C6orf118: variants seen among roughly 807,000 people sequenced by gnomAD.
The protein encoded by C6orf118 is uncharacterized protein C6orf118.
C6orf118 carries 50 observed loss-of-function variants against 50.2 expected under a neutral mutation model. That is an observed-to-expected ratio of 1.00 (90% CI 0.79 to 1.26). The LOEUF (loss-of-function observed/expected upper bound fraction) is 1.26. Ranked by LOEUF, C6orf118 falls within the 50% of genes most tolerant of loss-of-function variation. The pLI is 0.00. For synonymous variants in C6orf118, 239 were observed against 230.9 expected, an observed-to-expected ratio of 1.03 and a Z score of -0.32; for missense variants, 641 against 578.7, an observed-to-expected ratio of 1.11 and a Z score of -1.10.
At chr6:165,307,374 C>A (rs1780778974) in intron 1 of C6orf118, among the ~76,000 whole-genome samples, 1 of 151,414 alleles carries the variant, frequency 6.6e-6, no homozygotes, top group Non-Finnish European at 1.5e-5. Context: ...GTCTGGCCAA[C>A]CTGGCAAAAC....
At position 165,285,599 on chromosome 6, in the gene C6orf118, T is replaced by A. The variant is rs1031564322; in HGVS notation, c.1303-3906A>T. On this transcript the variant is annotated intron_variant, in intron 7 of 8. Transcript: ENST00000230301. ...AAACAGTCTCCCAGACCACATGCAA[T>A]CAAATTAGAACTCAAGATTAAGAAA... Among the ~76,000 whole-genome samples the A allele has an allele frequency of 3.9e-5, 6 of 151,934 alleles. No individual in the cohort carries two copies. The South Asian group carries it at 1.2e-3, about 32-fold the overall frequency.
At chr6:165,291,373 G>A (rs1395094738) in intron 6 of C6orf118, among the ~76,000 whole-genome samples, 1 of 152,176 alleles carries the variant, frequency 6.6e-6, no homozygotes, top group East Asian at 1.9e-4. Flanking sequence ...AAGCATGGAG[G>A]TAAGAAAGAA....
At chr6:165,298,266 G>T (rs760016654) in intron 4 of C6orf118, among the ~76,000 whole-genome samples, 165 bp from the exon 5 acceptor site, 12 of 152,188 alleles carry the variant, frequency 7.9e-5, no homozygotes, top group Non-Finnish European at 1.8e-4. Context: ...GGCCGTTGGG[G>T]GAGGGATGGC....
In C6orf118 at chr6:165,281,650, T is replaced by C; in HGVS notation, c.1346A>G (p.Lys449Arg). Reference protein sequence around the residue: ...QLETENMILKKKIKGPLEIYQ... With the variant: ...QLETENMILKRKIKGPLEIYQ... ...ACACAAAAAACTTACTTTTATTTTC[T>C]TCTTTAAAATCATATTTTCTGTTTC... is the stretch of plus-strand genomic sequence containing the variant. The change falls in exon 8 of 9, where the codon AAG (lysine) becomes AGG (arginine). Residue 449 changes from lysine (K) to arginine (R), a missense_variant. Coordinates refer to ENST00000230301, the MANE Select transcript of C6orf118 (RefSeq NM_144980.4). 6.7e-7 allele frequency: 1 copy of C among 1,495,332 alleles called. No homozygotes were observed. The highest frequency in any genetic ancestry group is 1.3e-5 in the South Asian group (1 of 76,790). 92.6% of individuals were successfully genotyped at this position (1,495,332 alleles called of 1,614,324 possible).
chr6:165,290,008 T>G lies in C6orf118; in HGVS notation c.1180A>C (p.Lys394Gln), dbSNP rs933564663. The G allele has an allele frequency of 6.2e-7, 1 of 1,610,326 alleles. No homozygotes were observed. The highest frequency in any genetic ancestry group is 8.5e-7 in the Non-Finnish European group (1 of 1,178,382). Reference protein sequence around the residue: ...NRLTLTEKVEKKRCEILSKWD... With the variant: ...NRLTLTEKVEQKRCEILSKWD... Reference sequence around the variant, plus strand: ...TTACTGAGTATTTCACACCTCTTCTTTTCAACCTTCTCAGTAAGAGTAAGT... The same window carrying G: ...TTACTGAGTATTTCACACCTCTTCTGTTCAACCTTCTCAGTAAGAGTAAGT... Residue 394 changes from lysine (K) to glutamine (Q), a missense_variant, in exon 7 of 9, where the codon AAG becomes CAG. Lys to Gln is a moderately conservative substitution (Grantham distance 53). Transcript: ENST00000230301.
At chr6:165,294,282 GTAAA>G (rs918443207) in intron 5 of C6orf118, among the ~76,000 whole-genome samples, 3 of 143,672 alleles carry the variant, frequency 2.1e-5, no homozygotes, top group African/African-American at 5.3e-5. Context: ...AAAAAAAAAA[GTAAA>G]TAAATAAGTA....
At chr6:165,306,787 T>C (rs1336767781) in intron 1 of C6orf118, among the ~76,000 whole-genome samples, 3 of 152,164 alleles carry the variant, frequency 2.0e-5, no homozygotes, top group Non-Finnish European at 2.9e-5. Flanking sequence ...CAAATGCTTT[T>C]TCTTTTGATT....
At chr6:165,301,320 G>C (rs1243727113) in intron 2 of C6orf118, among the ~76,000 whole-genome samples, 1 of 151,468 alleles carries the variant, frequency 6.6e-6, no homozygotes, top group Non-Finnish European at 1.5e-5. Context: ...ACACTGCACC[G>C]AGAGCACTGC....
At chr6:165,301,006 C>A (rs1456755722) in intron 2 of C6orf118, among the ~76,000 whole-genome samples, 2 of 152,148 alleles carry the variant, frequency 1.3e-5, no homozygotes, top group South Asian at 2.1e-4. Flanking sequence ...GTCAGCCAGG[C>A]AAGCCCTCTC....
rs140109402 is a variant in C6orf118 at position 165,280,632 on chromosome 6, C to T, written c.1357-522G>A. Among the ~76,000 whole-genome samples the T allele has an allele frequency of 7.7e-3, 1,165 of 152,232 alleles. 15 individuals carry two copies. The highest frequency in any genetic ancestry group is 0.026 in the African/African-American group (1,099 of 41,534). ...GAGTGACCTTGGCCCATGGTGCTGGCCAATGAGATGTGGGTAGGAGCACCT... is the reference window on the plus strand; with the variant it reads ...GAGTGACCTTGGCCCATGGTGCTGGTCAATGAGATGTGGGTAGGAGCACCT... On this transcript the variant is annotated intron_variant, in intron 8 of 8. Coordinates refer to ENST00000230301, the MANE Select transcript of C6orf118 (RefSeq NM_144980.4).
chr6:165,309,236 C>T (rs1286766038), intron 1 of C6orf118, among the ~76,000 whole-genome samples: 1 of 152,204 alleles, frequency 6.6e-6, no homozygotes, highest in East Asian at 1.9e-4. Context: ...CTGCAACCTG[C>T]CGCTTCGTCC....
chr6:165,301,488 A>C, intron 2 of C6orf118, 81 bp downstream of exon 2: 1 of 1,507,280 alleles, frequency 6.6e-7, no homozygotes, highest in Non-Finnish European at 8.9e-7. Context: ...TTTGCCCCAG[A>C]GCTGTGCCCT....
At position 165,308,622 on chromosome 6, in the gene C6orf118, A is replaced by G. The variant is rs1216992881; in HGVS notation, c.25+940T>C. On this transcript the variant is annotated intron_variant, in intron 1 of 8. Transcript: ENST00000230301. ...TTTGTATACAAAGAAGAGAAAAGAC[A>G]ACTCCCCAAGGACTGAAAGACCCCT... 3.3e-5 allele frequency among the ~76,000 whole-genome samples: 5 copies of G among 152,248 alleles called. No individual in the cohort carries two copies. The East Asian group carries it at 9.7e-4, about 30-fold the overall frequency.
At chr6:165,306,595 C>T (rs1253511357) in intron 1 of C6orf118, among the ~76,000 whole-genome samples, 1 of 84,572 alleles carries the variant, frequency 1.2e-5, no homozygotes, top group Non-Finnish European at 2.4e-5. Context: ...TCCAAGGCAA[C>T]AATCATTGTA....
At chr6:165,296,903 A>G (rs1562330518) in intron 5 of C6orf118, among the ~76,000 whole-genome samples, 4 of 152,180 alleles carry the variant, frequency 2.6e-5, no homozygotes, top group Admixed American at 2.0e-4. Flanking sequence ...GTAGGAATAA[A>G]CTAGATACAC....
At position 165,301,806 on chromosome 6, in the gene C6orf118, G is replaced by A; in HGVS notation, c.516C>T (p.Arg172=). 6.2e-7 allele frequency: 1 copy of A among 1,613,924 alleles called. No homozygotes were observed. Among genetic ancestry groups the A allele is most frequent in the East Asian group, 2.2e-5 (1 of 44,858 alleles). The change falls in exon 2 of 9, where the codon CGC becomes CGT. Residue 172 remains arginine (R), a synonymous_variant. Transcript: ENST00000230301. ...CGGGCAGCCGGAGTTCTTCCCTCCT[G>A]CGCCATCCAGGAGGGCCCCGTCCAG... ...GPPGRGPPGW[R]RREELRLPDL... is the part of the protein sequence containing the mutation.
In C6orf118 at chr6:165,299,500, A is replaced by G; in HGVS notation, c.879T>C (p.Asp293=). ...GCGTTGCCATGTAGAGTTCATATTC[A>G]TCCTGTACAGAAACAAACAAAAGTC... ...IFGDLLKKVK[D]EYELYMATLL... is the part of the protein sequence containing the mutation. The change falls in exon 4 of 9, where the codon GAT becomes GAC. Residue 293 remains aspartate (D), a splice_region_variant and synonymous_variant. Coordinates refer to ENST00000230301, the MANE Select transcript of C6orf118 (RefSeq NM_144980.4). 6.2e-7 allele frequency: 1 copy of G among 1,614,040 alleles called. No homozygotes were observed. Among genetic ancestry groups the G allele is most frequent in the Middle Eastern group, 1.6e-4 (1 of 6,062 alleles).
chr6:165,283,347 C>T (rs1779795759), intron 7 of C6orf118, among the ~76,000 whole-genome samples: 1 of 152,170 alleles, frequency 6.6e-6, no homozygotes, highest in African/African-American at 2.4e-5. Context: ...CTGAAGATCC[C>T]CTCGTGAGCC....
rs200182433 is a variant in C6orf118 at position 165,298,054 on chromosome 6, C to G, written c.984G>C (p.Thr328=). The G allele has an allele frequency of 1.4e-5, 22 of 1,612,946 alleles. No individual in the cohort carries two copies. The South Asian group carries it at 2.2e-4, about 16-fold the overall frequency. ...LKALGQRPVK[T]ADMDLAREEL... ...CTTCCCTGGCGAGATCCATGTCCGC[C>G]GTCTTCACCGGCCTCTGCCCCAGCG... The change falls in exon 5 of 9, where the codon ACG becomes ACC. Residue 328 remains threonine, a synonymous_variant. Coordinates refer to ENST00000230301, the MANE Select transcript of C6orf118 (RefSeq NM_144980.4).
Sources: gnomAD v4.1 joint callset for allele counts (sites outside exome capture counted in the v4.1 genomes callset) on GRCh38, gnomAD v4.1.1 for gene constraint, MANE v1.5 for transcripts, NCBI Gene and HGNC (gene_info 2026-07-23, HGNC 2026-07-21) for gene names.